RIMS3: variants seen among roughly 807,000 people sequenced by gnomAD.
RIMS3 encodes the protein regulating synaptic membrane exocytosis 3.
RIMS3 carries 15 observed loss-of-function variants against 29.2 expected under a neutral mutation model. The ratio of observed to expected loss-of-function variants is 0.51; its 90% CI spans 0.34 to 0.79. The LOEUF is 0.79. Ranked by LOEUF, RIMS3 falls within the 30% of genes least tolerant of loss-of-function variation. The pLI is 0.01. For missense variants in RIMS3, 342 were observed against 421.4 expected (o/e 0.81, Z 1.65); for synonymous variants, 161 against 170.1 (o/e 0.95, Z 0.41).
At position 40,635,779 on chromosome 1, in the gene RIMS3, G is replaced by A. The variant is rs957299569; in HGVS notation, c.359+137C>T. Reference sequence around the variant, plus strand: ...CACAGAGTGTTGAGGGGAGGGGTATGAAGGAAGGCAGAGACACAGAGGACC... The same window carrying A: ...CACAGAGTGTTGAGGGGAGGGGTATAAAGGAAGGCAGAGACACAGAGGACC... On this transcript the variant is annotated intron_variant, in intron 4 of 7. Coordinates refer to ENST00000372684, the MANE Select transcript of RIMS3 (RefSeq NM_014747.3). The surrounding 1 kb of genome is among the most constrained non-coding windows in gnomAD (Gnocchi z 4.1). The A allele has an allele frequency of 3.3e-5, 37 of 1,133,786 alleles. No homozygotes were observed. Among genetic ancestry groups the A allele is most frequent in the Non-Finnish European group, 3.9e-5 (31 of 785,652 alleles). 70.2% of individuals were successfully genotyped at this position (1,133,786 alleles called of 1,614,324 possible). A position where few individuals can be genotyped will look rare whatever the true frequency, so the allele number is the denominator to read the frequency against.
chr1:40,685,278 AATTTATTAATATATATATTAT>A, the RIMS3 span, among the ~76,000 whole-genome samples: 10 of 96,110 alleles, frequency 1.0e-4, no homozygotes, highest in African/African-American at 4.2e-4. Context: ...TGAAAAACAT[AATTTATTAATATATATATTAT>A]ATATATTAAT....
chr1:40,664,885 A>G (rs1379698219), intron 1 of RIMS3, among the ~76,000 whole-genome samples: 1 of 151,840 alleles, frequency 6.6e-6, no homozygotes. Context: ...CAGCTTCCCA[A>G]AGCCCCCTCT....
At chr1:40,634,346 G>T (rs1646507075) in intron 4 of RIMS3, among the ~76,000 whole-genome samples, 1 of 152,138 alleles carries the variant, frequency 6.6e-6, no homozygotes, top group South Asian at 2.1e-4. Flanking sequence ...GGGCTTCAAG[G>T]CCCCACTTTT....
chr1:40,650,917 G>C (rs990398253), intron 1 of RIMS3, among the ~76,000 whole-genome samples: 4 of 139,972 alleles, frequency 2.9e-5, no homozygotes, highest in African/African-American at 8.2e-5. Context: ...TTTGTCTCCT[G>C]TCTGCCTGGC....
At chr1:40,662,350 G>C (rs1178927845) in intron 1 of RIMS3, among the ~76,000 whole-genome samples, 1 of 152,002 alleles carries the variant, frequency 6.6e-6, no homozygotes. Context: ...CTAAGATGTC[G>C]CCACCTCCAG....
intron 1 of RIMS3, among the ~76,000 whole-genome samples, chr1:40,652,817 C>A (rs879641799): frequency 9.2e-5 from 14 of 152,140 alleles, no homozygotes; most frequent in Non-Finnish European, 1.6e-4. Context: ...CAGAAAGAAG[C>A]CTGACAGCAG....
Position 40,625,914 on chromosome 1 carries a change from C to A in RIMS3, c.*603G>T. 1 of 168,112 alleles carries A rather than the reference C, an allele frequency of 5.9e-6. No homozygotes were observed. The highest frequency in any genetic ancestry group is 2.4e-5 in the African/African-American group (1 of 41,830). 10.4% of individuals were successfully genotyped at this position (168,112 alleles called of 1,614,324 possible). ...GGTGGGCATGCTACATGCTGCAGAA[C>A]GCATTCAGTGGCAGGAAGAGCTGCC... On this transcript the variant is annotated 3_prime_UTR_variant, in exon 8 of 8. Transcript: ENST00000372684.
chr1:40,677,048 G>GAGTGC, the RIMS3 span, among the ~76,000 whole-genome samples: 1 of 150,990 alleles, frequency 6.6e-6, no homozygotes, highest in Non-Finnish European at 1.5e-5. Context: ...ACCCAGGCTG[G>GAGTGC]AGTGCAGTGG....
Position 40,636,179 on chromosome 1 carries a change from G to A in RIMS3, c.218-122C>T. 2 of 1,258,274 alleles carry A rather than the reference G, an allele frequency of 1.6e-6. No individual in the cohort carries two copies. The highest frequency in any genetic ancestry group is 2.2e-6 in the Non-Finnish European group (2 of 898,438). 77.9% of individuals were successfully genotyped at this position (1,258,274 alleles called of 1,614,324 possible). A position where few individuals can be genotyped will look rare whatever the true frequency, so the allele number is the denominator to read the frequency against. On this transcript the variant is annotated intron_variant, in intron 3 of 7. Coordinates refer to ENST00000372684, the MANE Select transcript of RIMS3 (RefSeq NM_014747.3). The surrounding 1 kb of genome is among the most constrained non-coding windows in gnomAD (Gnocchi z 4.2). ...GGGGGTTGATGGGGAGGATGAGCAG[G>A]GCTCTGACTGGAGGCAGGGGCATGG...
At chr1:40,686,468 C>T in the RIMS3 span, among the ~76,000 whole-genome samples, 4 of 152,016 alleles carry the variant, frequency 2.6e-5, no homozygotes, top group Non-Finnish European at 4.4e-5. Context: ...CTGGCTAACA[C>T]GGTGAAACCC....
Position 40,640,289 on chromosome 1 carries a change from A to G in RIMS3, c.217+1420T>C, listed in dbSNP as rs3767959. On this transcript the variant is annotated intron_variant, in intron 3 of 7. Coordinates refer to ENST00000372684, the MANE Select transcript of RIMS3 (RefSeq NM_014747.3). ...CCTGACTCTCTAGTACCAGGCCTAA[A>G]CTGCATATTCACAGAGGCCATGCCC... Among the ~76,000 whole-genome samples the G allele has an allele frequency of 2.2e-4, 33 of 152,116 alleles. No individual in the cohort carries two copies. The East Asian group carries it at 6.4e-3, about 29-fold the overall frequency.
chr1:40,642,483 G>T (rs1646565105), intron 2 of RIMS3, among the ~76,000 whole-genome samples: 1 of 151,896 alleles, frequency 6.6e-6, no homozygotes, highest in African/African-American at 2.4e-5. Flanking sequence ...ACTCTGGTGG[G>T]GTCCTTCTAT....
chr1:40,681,684 C>G, the RIMS3 span: 1 of 152,172 alleles, frequency 6.6e-6, no homozygotes, highest in Non-Finnish European at 1.5e-5. Flanking sequence ...TATACAAAAC[C>G]TTACTCCCTA....
chr1:40,649,186 GACACAC>G (rs5773699), intron 1 of RIMS3, among the ~76,000 whole-genome samples: 2 of 150,834 alleles, frequency 1.3e-5, no homozygotes, highest in African/African-American at 2.4e-5. Flanking sequence ...TGCATGCACA[GACACAC>G]ACACACACAC....
chr1:40,683,032 T>C, the RIMS3 span, among the ~76,000 whole-genome samples: 1 of 152,128 alleles, frequency 6.6e-6, no homozygotes. Flanking sequence ...GCTGAACTTT[T>C]GCAGATCTTT....
the RIMS3 span, among the ~76,000 whole-genome samples, chr1:40,689,633 C>T: frequency 6.6e-6 from 1 of 152,082 alleles, no homozygotes. Context: ...CCAAGCTTGA[C>T]GACATTAGGG....
At chr1:40,682,827 G>A in the RIMS3 span, among the ~76,000 whole-genome samples, 1 of 131,980 alleles carries the variant, frequency 7.6e-6, no homozygotes, top group Non-Finnish European at 1.6e-5. Context: ...TGCAACCTCT[G>A]CCTCCCGGGT....
At chr1:40,687,822 C>T in the RIMS3 span, among the ~76,000 whole-genome samples, 1 of 152,158 alleles carries the variant, frequency 6.6e-6, no homozygotes, top group Middle Eastern at 3.4e-3. Flanking sequence ...ACATGTCTTC[C>T]CTAATTTTAC....
At chr1:40,646,455 C>T (rs1276931223) in intron 2 of RIMS3, among the ~76,000 whole-genome samples, 6 of 152,128 alleles carry the variant, frequency 3.9e-5, no homozygotes, top group South Asian at 4.1e-4. Context: ...ACCCTTCCCA[C>T]GCAAGTCCCT....
Sources: allele counts gnomAD v4.1 joint callset (sites outside exome capture counted in the v4.1 genomes callset), GRCh38; gene constraint gnomAD v4.1.1; non-coding constraint Gnocchi (gnomAD v3.1); transcripts MANE v1.5; gene names NCBI Gene and HGNC (gene_info 2026-07-23, HGNC 2026-07-21).